The following STK31 variants were observed in gnomAD, a reference collection of about 807,000 sequenced individuals.
The protein encoded by STK31 is serine/threonine kinase 31.
Under a neutral mutation model 129.7 loss-of-function variants are expected in STK31, and 89 were observed. The ratio of observed to expected loss-of-function variants is 0.69; its 90% CI spans 0.58 to 0.82. STK31 has a LOEUF of 0.82. Ranked by LOEUF, STK31 falls within the 40% of genes least tolerant of loss-of-function variation. STK31 has a pLI of 0.00. For missense variants in STK31, 1,187 were observed against 1,176.4 expected (o/e 1.01, Z -0.13); for synonymous variants, 448 against 395.3 (o/e 1.13, Z -1.58).
chr7:23,744,112 G>T (rs1788211302), intron 8 of STK31, among the ~76,000 whole-genome samples: 1 of 151,540 alleles, frequency 6.6e-6, no homozygotes, highest in South Asian at 2.1e-4. Flanking sequence ...TTAGAGATGA[G>T]GTCTTGTTAT....
chr7:23,809,608 TA>T (rs1292449422), intron 22 of STK31, among the ~76,000 whole-genome samples: 1 of 152,204 alleles, frequency 6.6e-6, no homozygotes, highest in Admixed American at 6.5e-5. Context: ...ATGCAGGCTT[TA>T]TGTCTTATTA....
At position 23,771,087 on chromosome 7, in the gene STK31, T is replaced by G; in HGVS notation, c.1796T>G (p.Ile599Ser). The G allele has an allele frequency of 1.9e-6, 3 of 1,613,036 alleles. No homozygotes were observed. Among genetic ancestry groups the G allele is most frequent in the Non-Finnish European group, 2.5e-6 (3 of 1,179,410 alleles). Residue 599 changes from isoleucine to serine, a missense_variant, in exon 14 of 24, where the codon ATT becomes AGT. Coordinates refer to ENST00000355870, the MANE Select transcript of STK31 (RefSeq NM_031414.5). ...AAGATTCATTCAGAGGAAAGGCTCA[T>G]TGCCACAGTACAAGCTAAGTACAAG... is the stretch of plus-strand genomic sequence containing the variant. The part of the protein sequence containing the change: ...LQKIHSEERL[I>S]ATVQAKYKDS...
At chr7:23,733,529 C>T (rs1584349440) in intron 6 of STK31, among the ~76,000 whole-genome samples, 1 of 151,862 alleles carries the variant, frequency 6.6e-6, no homozygotes, top group East Asian at 1.9e-4. Context: ...AATGTGTCAG[C>T]TGGGTGCGGT....
At chr7:23,750,533 T>C (rs1377265902) in intron 8 of STK31, among the ~76,000 whole-genome samples, 1 of 152,236 alleles carries the variant, frequency 6.6e-6, no homozygotes, top group African/African-American at 2.4e-5. Context: ...TTAAATCTTT[T>C]GTTCTTTTGT....
At chr7:23,711,675 T>A (rs1025593751) in intron 1 of STK31, among the ~76,000 whole-genome samples, 1 of 152,194 alleles carries the variant, frequency 6.6e-6, no homozygotes, top group East Asian at 1.9e-4. Flanking sequence ...CCACCGTGCC[T>A]TTTACATAAA....
At chr7:23,803,831 C>G (rs1421292089) in intron 22 of STK31, among the ~76,000 whole-genome samples, 1 of 152,128 alleles carries the variant, frequency 6.6e-6, no homozygotes, top group Non-Finnish European at 1.5e-5. Flanking sequence ...ATTTGGTTTT[C>G]TATATCTTTT....
At chr7:23,806,410 G>A (rs376835037) in intron 22 of STK31, among the ~76,000 whole-genome samples, 89 of 152,278 alleles carry the variant, frequency 5.8e-4, no homozygotes, top group African/African-American at 1.7e-3. Flanking sequence ...ACCAGCTCAC[G>A]TGACTTGTGA....
intron 10 of STK31, 55 bp downstream of exon 10, chr7:23,754,529 GT>G (rs1788933353): frequency 5.3e-6 from 8 of 1,507,278 alleles, no homozygotes; most frequent in African/African-American, 1.4e-5. Flanking sequence ...ATAAGGAAGT[GT>G]TTTTTTAATT....
chr7:23,808,970 T>TGTGTGTGTGTGTGTGC (rs60631283), intron 22 of STK31, among the ~76,000 whole-genome samples: 8,500 of 139,502 alleles, frequency 0.061, 409 homozygotes, highest in Non-Finnish European at 0.088. Flanking sequence ...TGTGTGTGTG[T>TGTGTGTGTGTGTGTGC]GCCTGTGTCT....
chr7:23,765,875 T>C (rs963318789), intron 11 of STK31, among the ~76,000 whole-genome samples: 1 of 152,138 alleles, frequency 6.6e-6, no homozygotes, highest in African/African-American at 2.4e-5. Context: ...AACATTCTTA[T>C]CTGCCTTTGG....
chr7:23,730,868 A>ATTTTTT, intron 6 of STK31, among the ~76,000 whole-genome samples: 1 of 43,992 alleles, frequency 2.3e-5, no homozygotes, highest in Non-Finnish European at 5.3e-5. Context: ...ATATATATAT[A>ATTTTTT]TATATATATA....
intron 23 of STK31, among the ~76,000 whole-genome samples, chr7:23,818,641 C>T (rs984423638): frequency 1.4e-5 from 2 of 147,882 alleles, no homozygotes; most frequent in African/African-American, 2.6e-5. Flanking sequence ...CAACAAAAAG[C>T]AACAAAAAAA....
chr7:23,719,846 A>G (rs891755080), intron 4 of STK31, among the ~76,000 whole-genome samples: 1 of 152,122 alleles, frequency 6.6e-6, no homozygotes, highest in Non-Finnish European at 1.5e-5. Context: ...CAGAGATATA[A>G]TAATACTTTC....
chr7:23,716,033 C>T (rs1786294660), intron 3 of STK31, among the ~76,000 whole-genome samples: 1 of 152,104 alleles, frequency 6.6e-6, no homozygotes, highest in Non-Finnish European at 1.5e-5. Flanking sequence ...TAGTACAATG[C>T]TATTAACTAA....
chr7:23,715,228 T>C (rs191130688), intron 3 of STK31, among the ~76,000 whole-genome samples: 1 of 152,260 alleles, frequency 6.6e-6, no homozygotes, highest in African/African-American at 2.4e-5. Context: ...CCCTGTGGGC[T>C]TCTGCCTTAT....
At chr7:23,786,667 AT>A in intron 19 of STK31, 34 bp downstream of exon 19, 1 of 1,593,876 alleles carries the variant, frequency 6.3e-7, no homozygotes, top group South Asian at 1.2e-5. Context: ...TGCAGAAACC[AT>A]TTTATCTTGC....
intron 11 of STK31, among the ~76,000 whole-genome samples, chr7:23,765,788 C>T (rs183437956): frequency 1.3e-5 from 2 of 152,118 alleles, no homozygotes; most frequent in African/African-American, 4.8e-5. Context: ...CTCAAGTCAT[C>T]CACCCGCCTC....
chr7:23,796,390 A>G (rs1433228386), intron 22 of STK31, among the ~76,000 whole-genome samples: 1 of 151,950 alleles, frequency 6.6e-6, no homozygotes, highest in Non-Finnish European at 1.5e-5. Context: ...CTCATAAGAT[A>G]TCCCATAAGT....
At chr7:23,808,900 T>TC (rs1279872584) in intron 22 of STK31, among the ~76,000 whole-genome samples, 1 of 148,004 alleles carries the variant, frequency 6.8e-6, no homozygotes, top group Admixed American at 6.9e-5. Context: ...GCCACCCTCT[T>TC]CCCAGTCCTG....
Sources: allele counts gnomAD v4.1 joint callset (sites outside exome capture counted in the v4.1 genomes callset), GRCh38; gene constraint gnomAD v4.1.1; transcripts MANE v1.5; gene names NCBI Gene and HGNC (gene_info 2026-07-23, HGNC 2026-07-21).